REEP1: variants seen among roughly 807,000 people sequenced by gnomAD.
REEP1 encodes receptor expression-enhancing protein 1.
REEP1 carries 22 observed loss-of-function variants against 40.3 expected under a neutral mutation model. That is an observed-to-expected ratio of 0.55 (90% CI 0.39 to 0.78). The LOEUF is 0.78. Ranked by LOEUF, REEP1 falls within the 30% of genes least tolerant of loss-of-function variation. REEP1 has a pLI of 0.00. For synonymous variants in REEP1, 116 were observed against 139.2 expected, an observed-to-expected ratio of 0.83 and a Z score of 1.17; for missense variants, 280 against 361.1, an observed-to-expected ratio of 0.78 and a Z score of 1.82.
At chr2:86,272,834 T>G in intron 2 of REEP1, among the ~76,000 whole-genome samples, 1 of 152,116 alleles carries the variant, frequency 6.6e-6, no homozygotes, top group Non-Finnish European at 1.5e-5. Flanking sequence ...CAAAATGATT[T>G]TCTTAAGGCC....
chr2:86,303,675 T>C (rs1679358853), intron 1 of REEP1, among the ~76,000 whole-genome samples: 1 of 152,176 alleles, frequency 6.6e-6, no homozygotes, highest in Non-Finnish European at 1.5e-5. Flanking sequence ...AAGGCTGGAC[T>C]TCCAAATCAG....
At chr2:86,231,472 G>A (rs1675012896) in intron 6 of REEP1, among the ~76,000 whole-genome samples, 2 of 152,232 alleles carry the variant, frequency 1.3e-5, no homozygotes, top group South Asian at 4.1e-4. Flanking sequence ...CCAGGCAGCC[G>A]CAGGCCTCAT....
At chr2:86,265,452 T>G (rs997769720) in intron 2 of REEP1, among the ~76,000 whole-genome samples, 2 of 152,160 alleles carry the variant, frequency 1.3e-5, no homozygotes, top group African/African-American at 4.8e-5. Context: ...CAAGGTGATC[T>G]GCCTGAATTT....
chr2:86,334,930 G>A (rs559914607), intron 1 of REEP1, among the ~76,000 whole-genome samples: 1 of 152,330 alleles, frequency 6.6e-6, no homozygotes, highest in African/African-American at 2.4e-5. Flanking sequence ...ACTAGCTGTG[G>A]ACTAGCATCT....
intron 1 of REEP1, among the ~76,000 whole-genome samples, chr2:86,313,670 C>T (rs1267527080): frequency 6.6e-6 from 1 of 152,204 alleles, no homozygotes; most frequent in African/African-American, 2.4e-5. Context: ...CTAATGCCCA[C>T]CTCCCCAGTT....
intron 1 of REEP1, among the ~76,000 whole-genome samples, chr2:86,330,100 G>T (rs1680695150): frequency 6.6e-6 from 1 of 152,160 alleles, no homozygotes; most frequent in South Asian, 2.1e-4. Context: ...CTCCTTTCTT[G>T]ACTCACGAAC....
intron 6 of REEP1, among the ~76,000 whole-genome samples, chr2:86,229,051 G>A (rs965648698): frequency 2.0e-5 from 3 of 152,200 alleles, no homozygotes; most frequent in African/African-American, 7.2e-5. Context: ...TCCACGAGGT[G>A]CAGCTCCCAC....
intron 7 of REEP1, among the ~76,000 whole-genome samples, chr2:86,224,351 A>G (rs1017556458): frequency 1.3e-5 from 2 of 152,176 alleles, no homozygotes; most frequent in African/African-American, 4.8e-5. Flanking sequence ...GAGTCAGCCT[A>G]TAGCCCCAGG....
At chr2:86,337,781 G>A (rs1681125216), upstream of REEP1, 1 of 791,036 alleles carries the variant, frequency 1.3e-6, no homozygotes, top group Non-Finnish European at 1.7e-6. The surrounding 1 kb of genome is among the most constrained non-coding windows in gnomAD (Gnocchi z 5.8). Context: ...GCCCCGTCCC[G>A]CTCGCCCTGG....
chr2:86,293,096 TC>T (rs1678810768), intron 1 of REEP1, among the ~76,000 whole-genome samples: 1 of 148,752 alleles, frequency 6.7e-6, no homozygotes, highest in South Asian at 2.1e-4. Context: ...ATTCATTCAT[TC>T]ATTTGTTTGT....
chr2:86,284,800 C>A (rs1468405933), intron 1 of REEP1, among the ~76,000 whole-genome samples: 4 of 152,196 alleles, frequency 2.6e-5, no homozygotes, highest in Non-Finnish European at 5.9e-5. Flanking sequence ...GAAGGCAAGA[C>A]AGGAAGGCCT....
intron 2 of REEP1, among the ~76,000 whole-genome samples, chr2:86,266,511 C>A (rs1032632619): frequency 2.0e-5 from 3 of 150,664 alleles, no homozygotes; most frequent in Non-Finnish European, 3.0e-5. Flanking sequence ...CCCAGCTACT[C>A]GGGAGGCTGA....
Position 86,216,505 on chromosome 2 carries a change from A to C in REEP1, c.*534T>G, listed in dbSNP as rs989833709. 1 of 153,342 alleles carries C rather than the reference A, an allele frequency of 6.5e-6. No individual in the cohort carries two copies. Among genetic ancestry groups the C allele is most frequent in the African/African-American group, 2.4e-5 (1 of 41,452 alleles). 9.5% of individuals were successfully genotyped at this position (153,342 alleles called of 1,614,324 possible). On this transcript the variant is annotated 3_prime_UTR_variant, in exon 9 of 9. Coordinates refer to ENST00000538924, the MANE Select transcript of REEP1 (RefSeq NM_001371279.1). ...TTCTCTAGAATCAAAATATTTGTCT[A>C]TATTTGTTTTTGCAGTTTTCTTACA...
intron 1 of REEP1, among the ~76,000 whole-genome samples, chr2:86,319,245 T>C (rs1008334083): frequency 1.3e-5 from 2 of 152,148 alleles, no homozygotes; most frequent in African/African-American, 4.8e-5. Context: ...AGGCTGAGAA[T>C]TTACAGTTCT....
At chr2:86,247,666 G>C (rs557674455) in intron 5 of REEP1, among the ~76,000 whole-genome samples, 1 of 151,990 alleles carries the variant, frequency 6.6e-6, no homozygotes, top group East Asian at 1.9e-4. Flanking sequence ...CACCTCCCGG[G>C]TTCAAGTGAT....
intron 1 of REEP1, among the ~76,000 whole-genome samples, chr2:86,283,975 G>T (rs1182285885): frequency 1.3e-5 from 2 of 152,138 alleles, no homozygotes; most frequent in Non-Finnish European, 2.9e-5. Flanking sequence ...ATGAGCCACT[G>T]GGGGGATGAG....
Position 86,215,551 on chromosome 2 carries a change from T to C in REEP1, c.*1488A>G, listed in dbSNP as rs1476133332. ...ACGAACAAATACAATCCAAATATTA[T>C]GAGTAACTGGGTTGTGACCACTGCA... On this transcript the variant is annotated 3_prime_UTR_variant, in exon 9 of 9. Coordinates refer to ENST00000538924, the MANE Select transcript of REEP1 (RefSeq NM_001371279.1). 6.6e-6 allele frequency: 1 copy of C among 152,638 alleles called. No homozygotes were observed. Among genetic ancestry groups the C allele is most frequent in the African/African-American group, 2.4e-5 (1 of 41,454 alleles). 9.5% of individuals were successfully genotyped at this position (152,638 alleles called of 1,614,324 possible).
chr2:86,276,691 G>T (rs1043131825), intron 2 of REEP1, among the ~76,000 whole-genome samples: 3 of 152,154 alleles, frequency 2.0e-5, no homozygotes, highest in Non-Finnish European at 4.4e-5. Context: ...GTGCTTCTTA[G>T]CCAGAATCTA....
intron 5 of REEP1, among the ~76,000 whole-genome samples, chr2:86,247,897 G>T (rs981549515): frequency 6.6e-6 from 1 of 151,966 alleles, no homozygotes; most frequent in Non-Finnish European, 1.5e-5. Flanking sequence ...TAATAATGTG[G>T]TTTACAAATT....
Sources: allele counts gnomAD v4.1 joint callset (sites outside exome capture counted in the v4.1 genomes callset), GRCh38; gene constraint gnomAD v4.1.1; non-coding constraint Gnocchi (gnomAD v3.1); transcripts MANE v1.5; gene names NCBI Gene and HGNC (gene_info 2026-07-23, HGNC 2026-07-21).